Variants in NFATC1 observed in about 807,000 individuals in gnomAD.
NFATC1 encodes nuclear factor of activated T-cells, cytoplasmic 1.
NFATC1 carries 22 observed loss-of-function variants against 76.0 expected under a neutral mutation model. The observed-to-expected ratio is 0.29, with a 90% CI of 0.21 to 0.41. The LOEUF (loss-of-function observed/expected upper bound fraction) is 0.41. Ranked by LOEUF, NFATC1 falls within the 10% of genes least tolerant of loss-of-function variation. The probability of loss-of-function intolerance (pLI) is 1.00; values close to 1 mark genes in which losing one functional copy is unlikely to be tolerated. For missense variants in NFATC1, 1,357 were observed against 1,337.7 expected (o/e 1.01, Z -0.23); for synonymous variants, 704 against 613.1 (o/e 1.15, Z -2.19).
chr18:79,464,702 A>ATATATATATT (rs1425452711), intron 7 of NFATC1, among the ~76,000 whole-genome samples: 1 of 69,322 alleles, frequency 1.4e-5, no homozygotes. Flanking sequence ...ATATTTATTT[A>ATATATATATT]TTTATTTATT....
intron 9 of NFATC1, among the ~76,000 whole-genome samples, chr18:79,490,632 G>A (rs993157463): frequency 2.6e-5 from 4 of 152,190 alleles, no homozygotes; most frequent in African/African-American, 4.8e-5. Flanking sequence ...TTGCTCTGTC[G>A]GAGCCGAGTG....
intron 6 of NFATC1, among the ~76,000 whole-genome samples, chr18:79,453,714 G>A (rs2087570090): frequency 1.3e-5 from 2 of 152,260 alleles, no homozygotes; most frequent in Admixed American, 1.3e-4. Context: ...ATGAATAGGT[G>A]CTGTGCTCGA....
chr18:79,459,370 G>T (rs529872616), intron 6 of NFATC1, among the ~76,000 whole-genome samples: 2 of 152,348 alleles, frequency 1.3e-5, no homozygotes, highest in East Asian at 3.9e-4. Context: ...CTGCGGGGCA[G>T]CCACCTGGAG....
chr18:79,484,600 A>G (rs1428799779), intron 8 of NFATC1, among the ~76,000 whole-genome samples: 9 of 152,184 alleles, frequency 5.9e-5, no homozygotes, highest in Non-Finnish European at 1.3e-4. Flanking sequence ...GATGATAGAA[A>G]GATTTGAATG....
Position 79,486,695 on chromosome 18 carries a change from C to T in NFATC1, c.2540C>T (p.Pro847Leu). 1 of 1,600,258 alleles carries T rather than the reference C, an allele frequency of 6.2e-7. No individual in the cohort carries two copies. The highest frequency in any genetic ancestry group is 8.5e-7 in the Non-Finnish European group (1 of 1,175,820). The change falls in exon 9 of 10, where the codon CCC becomes CTC. Residue 847 changes from proline to leucine, a missense_variant. Physicochemically the swap from Pro to Leu is moderately conservative, Grantham distance 98. Around this residue, in one of 3 missense-constraint regions of NFATC1, gnomAD observed 424 missense variants for 395.4 expected, o/e 1.07. Transcript: ENST00000427363. ...GLEHSLCPSS[P>L]SPPLPPATQE... is the part of the protein sequence containing the mutation. ...GAACACTCGCTCTGCCCCAGCAGCC[C>T]CTCTCCTCCACTCCCGCCTGCCACC...
chr18:79,413,838 C>T (rs2085783082), intron 2 of NFATC1, among the ~76,000 whole-genome samples: 1 of 152,148 alleles, frequency 6.6e-6, no homozygotes. Flanking sequence ...GCATGGGTGG[C>T]TGTTTATTTT....
intron 1 of NFATC1, 141 bp downstream of exon 1, chr18:79,396,492 G>A (rs911516660): frequency 7.3e-6 from 3 of 412,020 alleles, no homozygotes; most frequent in African/African-American, 4.3e-5. Flanking sequence ...CCCAGGGAGG[G>A]GCGCGGCGCG....
At position 79,528,711 on chromosome 18, in the gene NFATC1, C is replaced by T. The variant is rs1404186699; in HGVS notation, c.*1134C>T. ...TGTTTCACAGAAGCCTTACCACTCT[C>T]TGCTTCATCTAAGAAAACCAATACC... On this transcript the variant is annotated 3_prime_UTR_variant, in exon 10 of 10. Coordinates refer to ENST00000427363, the MANE Select transcript of NFATC1 (RefSeq NM_001278669.2). The T allele has an allele frequency of 6.6e-6, 1 of 152,278 alleles. No homozygotes were observed. The highest frequency in any genetic ancestry group is 2.4e-5 in the African/African-American group (1 of 41,472). The allele number at this position is 152,278 out of a possible 1,614,324, so 9.4% of individuals were successfully genotyped here.
At chr18:79,449,918 C>T (rs2087387958) in intron 4 of NFATC1, among the ~76,000 whole-genome samples, 1 of 152,226 alleles carries the variant, frequency 6.6e-6, no homozygotes, top group South Asian at 2.1e-4. Context: ...GGAAAGCTTT[C>T]TCTCCACGTT....
intron 9 of NFATC1, chr18:79,493,866 G>C (rs454854): frequency 0.53 from 80,798 of 152,182 alleles, 24,654 homozygotes; most frequent in Middle Eastern, 0.7. Context: ...GGGGTTTCAA[G>C]GCGTAAAAAT....
chr18:79,518,235 C>T (rs543097182), intron 9 of NFATC1, among the ~76,000 whole-genome samples: 4 of 152,234 alleles, frequency 2.6e-5, no homozygotes, highest in East Asian at 1.9e-4. Flanking sequence ...CTTTTCCCAT[C>T]GCTTTCCCGG....
At chr18:79,397,494 G>C (rs1023004915) in intron 1 of NFATC1, among the ~76,000 whole-genome samples, 3 of 152,212 alleles carry the variant, frequency 2.0e-5, no homozygotes, top group Non-Finnish European at 4.4e-5. Context: ...CTCCACGGAG[G>C]GGGGTCCGTG....
At chr18:79,481,870 C>G (rs913898169) in intron 8 of NFATC1, among the ~76,000 whole-genome samples, 1 of 143,792 alleles carries the variant, frequency 7.0e-6, no homozygotes, top group Non-Finnish European at 1.5e-5. Flanking sequence ...CCAGCGCGAC[C>G]TTGTTCCTGG....
chr18:79,478,454 G>T (rs2089160923), intron 8 of NFATC1, among the ~76,000 whole-genome samples: 1 of 152,178 alleles, frequency 6.6e-6, no homozygotes, highest in Non-Finnish European at 1.5e-5. Flanking sequence ...GGCTCTGCCT[G>T]CCCTGGGGCT....
At chr18:79,452,368 T>TG (rs2087512921) in intron 6 of NFATC1, among the ~76,000 whole-genome samples, 1 of 152,172 alleles carries the variant, frequency 6.6e-6, no homozygotes, top group African/African-American at 2.4e-5. Context: ...CTCCAGGTGT[T>TG]GCGCTGGCCC....
intron 6 of NFATC1, among the ~76,000 whole-genome samples, chr18:79,459,076 C>T (rs529835016): frequency 3.3e-5 from 5 of 152,356 alleles, no homozygotes; most frequent in Admixed American, 2.0e-4. Context: ...CTGGCTCAGC[C>T]GGGGTCTTTG....
At chr18:79,436,295 T>C (rs2086772959) in intron 3 of NFATC1, among the ~76,000 whole-genome samples, 1 of 152,212 alleles carries the variant, frequency 6.6e-6, no homozygotes, top group Admixed American at 6.5e-5. Flanking sequence ...TCAGAGCCAC[T>C]GGGAGCCGTT....
chr18:79,434,110 C>T (rs2086690953), intron 3 of NFATC1, among the ~76,000 whole-genome samples: 2 of 152,224 alleles, frequency 1.3e-5, no homozygotes, highest in Admixed American at 6.5e-5. Flanking sequence ...CTCAGAAATG[C>T]AGGTTCTGTG....
chr18:79,423,164 G>A (rs1466065662), intron 2 of NFATC1, among the ~76,000 whole-genome samples: 2 of 152,084 alleles, frequency 1.3e-5, no homozygotes, highest in Admixed American at 6.6e-5. Flanking sequence ...TCTGTGTCCT[G>A]GTCGTACTCC....
Sources: gnomAD v4.1 joint callset for allele counts (sites outside exome capture counted in the v4.1 genomes callset) on GRCh38, gnomAD v4.1.1 for gene constraint, gnomAD v4.1.1 regional missense constraint, MANE v1.5 for transcripts, NCBI Gene and HGNC (gene_info 2026-07-23, HGNC 2026-07-21) for gene names.